The following PITPNC1 variants were observed in gnomAD, a reference collection of about 807,000 sequenced individuals.
PITPNC1 encodes the protein cytoplasmic phosphatidylinositol transfer protein 1.
Under a neutral mutation model 44.7 loss-of-function variants are expected in PITPNC1, and 18 were observed. The observed-to-expected ratio is 0.40, with a 90% CI of 0.28 to 0.60. The LOEUF is 0.60. Among genes scored for constraint, PITPNC1 ranks in the 20% least tolerant of loss-of-function variants. The pLI, the probability that PITPNC1 is intolerant of heterozygous loss-of-function variation, is 0.39. For missense variants in PITPNC1, 290 were observed against 418.4 expected (o/e 0.69, Z 2.68); for synonymous variants, 141 against 149.6 (o/e 0.94, Z 0.42).
At chr17:67,625,586 C>T (rs939258654) in intron 5 of PITPNC1, among the ~76,000 whole-genome samples, 14 of 152,094 alleles carry the variant, frequency 9.2e-5, no homozygotes, top group Non-Finnish European at 8.8e-5. Context: ...CTGAGTGTGA[C>T]GATAAGAACA....
intron 1 of PITPNC1, chr17:67,457,858 T>G (rs183307234): frequency 2.0e-5 from 3 of 152,234 alleles, no homozygotes; most frequent in Non-Finnish European, 4.4e-5. Flanking sequence ...AAAATGTTGC[T>G]TCTCCTTCAC....
At chr17:67,677,603 T>C (rs9912780) in intron 8 of PITPNC1, among the ~76,000 whole-genome samples, 17,444 of 150,996 alleles carry the variant, frequency 0.12, 1,086 homozygotes, top group East Asian at 0.24. Context: ...AGTCTCGCAC[T>C]GTCGTACGGA....
chr17:67,483,030 C>T (rs1460525949), intron 1 of PITPNC1, among the ~76,000 whole-genome samples: 2 of 152,132 alleles, frequency 1.3e-5, no homozygotes, highest in East Asian at 3.8e-4. Context: ...TTGCTTCCTA[C>T]CATCAAAAGG....
chr17:67,453,872 C>T (rs530215204), intron 1 of PITPNC1, among the ~76,000 whole-genome samples: 3 of 152,262 alleles, frequency 2.0e-5, no homozygotes, highest in East Asian at 1.9e-4. Context: ...AGTGGTCTTC[C>T]CTCCTGAGAA....
intron 7 of PITPNC1, among the ~76,000 whole-genome samples, chr17:67,670,453 C>A (rs2042493602): frequency 6.6e-6 from 1 of 152,132 alleles, no homozygotes; most frequent in African/African-American, 2.4e-5. Context: ...TTTAATAATT[C>A]TGTTACTAAA....
At chr17:67,498,051 G>A (rs950743130) in intron 1 of PITPNC1, among the ~76,000 whole-genome samples, 4 of 151,546 alleles carry the variant, frequency 2.6e-5, no homozygotes, top group Non-Finnish European at 4.4e-5. Flanking sequence ...TGGAAGAGAC[G>A]GGGTTTGGAG....
intron 1 of PITPNC1, among the ~76,000 whole-genome samples, chr17:67,511,996 T>C (rs369745824): frequency 6.6e-6 from 1 of 152,358 alleles, no homozygotes; most frequent in African/African-American, 2.4e-5. Flanking sequence ...GGTCTCCTGC[T>C]GATGATGCAC....
chr17:67,453,387 A>G (rs1235244977), intron 1 of PITPNC1, among the ~76,000 whole-genome samples: 2 of 152,154 alleles, frequency 1.3e-5, no homozygotes, highest in Non-Finnish European at 2.9e-5. Context: ...AGGAGGAGGA[A>G]AGAAACTCAA....
At chr17:67,460,899 G>A (rs759219797) in intron 1 of PITPNC1, among the ~76,000 whole-genome samples, 1 of 151,210 alleles carries the variant, frequency 6.6e-6, no homozygotes, top group Admixed American at 6.6e-5. Context: ...GCGCCACCAT[G>A]CCTGGCTAAT....
intron 1 of PITPNC1, among the ~76,000 whole-genome samples, chr17:67,513,897 T>G (rs1300075085): frequency 6.6e-6 from 1 of 152,110 alleles, no homozygotes; most frequent in East Asian, 1.9e-4. Flanking sequence ...TCTCTTAACC[T>G]CTTTGGAACA....
intron 1 of PITPNC1, among the ~76,000 whole-genome samples, chr17:67,455,595 GT>G (rs141136687): frequency 7.5e-6 from 1 of 132,690 alleles, no homozygotes; most frequent in Non-Finnish European, 1.7e-5. Context: ...AGTTTTTTTT[GT>G]TTTTTTTTGT....
chr17:67,552,187 C>T, intron 2 of PITPNC1, 70 bp from the exon 3 acceptor site: 1 of 809,710 alleles, frequency 1.2e-6, no homozygotes, highest in Non-Finnish European at 2.2e-6. Context: ...GCATTTTATC[C>T]AGAAAGATGT....
intron 1 of PITPNC1, among the ~76,000 whole-genome samples, chr17:67,390,024 C>G (rs1598606911): frequency 6.8e-6 from 1 of 146,174 alleles, no homozygotes. Context: ...TTTGTTTGAG[C>G]AGAATAGATA....
intron 1 of PITPNC1, among the ~76,000 whole-genome samples, chr17:67,384,173 A>G (rs1011822026): frequency 2.0e-5 from 3 of 152,206 alleles, no homozygotes; most frequent in African/African-American, 7.2e-5. Context: ...TGCACAATGC[A>G]GAAAAATAGA....
intron 1 of PITPNC1, among the ~76,000 whole-genome samples, chr17:67,448,829 G>T (rs1260750157): frequency 6.6e-6 from 1 of 152,186 alleles, no homozygotes; most frequent in African/African-American, 2.4e-5. Context: ...ACCCAGGCTG[G>T]AGTGCAGTGG....
intron 1 of PITPNC1, chr17:67,379,294 GA>G (rs1384787658): frequency 6.1e-6 from 6 of 985,162 alleles, no homozygotes; most frequent in Non-Finnish European, 7.2e-6. Context: ...TACTTGGTGA[GA>G]GGGGCGATGT....
intron 1 of PITPNC1, among the ~76,000 whole-genome samples, chr17:67,497,232 T>G (rs34525669): frequency 0.05 from 7,641 of 151,970 alleles, 258 homozygotes; most frequent in Middle Eastern, 0.11. Context: ...CCTTTTTTTT[T>G]TTTTTGAGAC....
At chr17:67,649,383 G>A (rs1431953011) in intron 6 of PITPNC1, among the ~76,000 whole-genome samples, 3 of 152,234 alleles carry the variant, frequency 2.0e-5, no homozygotes, top group South Asian at 4.1e-4. Context: ...AATAGCACGG[G>A]GGCATCCCCT....
chr17:67,555,200 A>T (rs1437810889), intron 4 of PITPNC1, among the ~76,000 whole-genome samples: 1 of 152,116 alleles, frequency 6.6e-6, no homozygotes, highest in Non-Finnish European at 1.5e-5. Flanking sequence ...AATTAGAATA[A>T]TCCCTCCTTC....
Sources: allele counts gnomAD v4.1 joint callset (sites outside exome capture counted in the v4.1 genomes callset), GRCh38; gene constraint gnomAD v4.1.1; transcripts MANE v1.5; gene names NCBI Gene and HGNC (gene_info 2026-07-23, HGNC 2026-07-21).